Variants in SOS2 observed in about 807,000 individuals in gnomAD.
SOS2 encodes SOS Ras/Rho guanine nucleotide exchange factor 2, also known as son of sevenless homolog 2.
A neutral mutation model predicts 148.2 loss-of-function variants in SOS2; 65 were observed. The ratio of observed to expected loss-of-function variants is 0.44; its 90% CI spans 0.36 to 0.54. The LOEUF (loss-of-function observed/expected upper bound fraction) is 0.54, where lower values mean the gene tolerates loss of function less well. Ranked by LOEUF, SOS2 falls within the 20% of genes least tolerant of loss-of-function variation. SOS2 has a pLI of 0.00. For synonymous variants in SOS2, 539 were observed against 537.1 expected (o/e 1.00, Z -0.05); for missense variants, 1,341 against 1,590.2 (o/e 0.84, Z 2.67).
chr14:50,151,071 C>T (rs1453741807), intron 13 of SOS2, among the ~76,000 whole-genome samples: 1 of 152,042 alleles, frequency 6.6e-6, no homozygotes, highest in African/African-American at 2.4e-5. Context: ...GTTGCCCAAG[C>T]TGGTCTTGAA....
intron 19 of SOS2, among the ~76,000 whole-genome samples, chr14:50,133,370 T>C (rs1366800178): frequency 1.3e-5 from 2 of 151,826 alleles, no homozygotes; most frequent in African/African-American, 4.8e-5. Flanking sequence ...GCTAATTTTT[T>C]TGTATTTTTG....
At chr14:50,126,696 G>A (rs1178587394) in intron 21 of SOS2, among the ~76,000 whole-genome samples, 1 of 151,514 alleles carries the variant, frequency 6.6e-6, no homozygotes, top group Admixed American at 6.6e-5. Flanking sequence ...CAGGAAAACA[G>A]AACAAGAAGA....
chr14:50,197,743 C>CA (rs1441918433), intron 4 of SOS2, among the ~76,000 whole-genome samples: 2 of 145,036 alleles, frequency 1.4e-5, no homozygotes, highest in East Asian at 4.1e-4. Context: ...GGCTGCAATG[C>CA]AGTGGTGCAA....
At chr14:50,168,194 A>G (rs1288893993) in intron 8 of SOS2, among the ~76,000 whole-genome samples, 1 of 152,162 alleles carries the variant, frequency 6.6e-6, no homozygotes, top group African/African-American at 2.4e-5. Context: ...AAAATGAGAG[A>G]GTTAACATGT....
Position 50,159,760 on chromosome 14 carries a change from T to C in SOS2, c.1523A>G (p.His508Arg), listed in dbSNP as rs1372822403. The C allele has an allele frequency of 3.1e-6, 5 of 1,614,082 alleles. No homozygotes were observed. The highest frequency in any genetic ancestry group is 3.3e-5 in the Admixed American group (2 of 60,030). The change falls in exon 10 of 23, where the codon CAC becomes CGC. Residue 508 changes from histidine to arginine, a missense_variant. By Grantham distance (29) the His-to-Arg change is conservative. This residue lies in a region of SOS2 where 574 missense variants were observed against 711.1 expected (regional missense o/e 0.81). Coordinates refer to ENST00000216373, the MANE Select transcript of SOS2 (RefSeq NM_006939.4). Reference sequence around the variant, plus strand: ...GGATACTAATTCAAATGCATGCTTGTGCTCACAAGTATCTTCTTTATCACA... The same window carrying C: ...GGATACTAATTCAAATGCATGCTTGCGCTCACAAGTATCTTCTTTATCACA... ...QICDKEDTCE[H>R]KHAFELVSKD...
chr14:50,201,847 A>G (rs1886500909), intron 2 of SOS2, among the ~76,000 whole-genome samples: 1 of 152,216 alleles, frequency 6.6e-6, no homozygotes, highest in South Asian at 2.1e-4. Context: ...AAAAGAGGTC[A>G]TGTATCTCTT....
intron 5 of SOS2, among the ~76,000 whole-genome samples, chr14:50,184,236 T>C (rs1270327396): frequency 3.3e-5 from 5 of 152,204 alleles, no homozygotes; most frequent in Non-Finnish European, 7.3e-5. Context: ...ATCATATGAC[T>C]GACCATCCCG....
chr14:50,130,540 G>A lies in SOS2; in HGVS notation c.3298C>T (p.Leu1100Phe). ...AGATCCACATCTAAAAATACACTAA[G>A]GTCTGAAGAAGCAGATACTGGTGGA... The part of the protein sequence containing the change: ...STPPVSASSD[L>F]SVFLDVDLNS... The change falls in exon 20 of 23, where the codon CTT becomes TTT. Residue 1100 changes from leucine to phenylalanine, a missense_variant. Around this residue, in one of 4 missense-constraint regions of SOS2, gnomAD observed 354 missense variants for 347.7 expected, o/e 1.02. Coordinates refer to ENST00000216373, the MANE Select transcript of SOS2 (RefSeq NM_006939.4). 1 of 1,613,894 alleles carries A rather than the reference G, an allele frequency of 6.2e-7. No homozygotes were observed. The highest frequency in any genetic ancestry group is 8.5e-7 in the Non-Finnish European group (1 of 1,179,848).
At chr14:50,127,439 G>A (rs1208428923) in intron 21 of SOS2, among the ~76,000 whole-genome samples, 2 of 152,176 alleles carry the variant, frequency 1.3e-5, no homozygotes, top group South Asian at 2.1e-4. Flanking sequence ...ACCGCGCCCG[G>A]CCCAGATCAT....
rs755314459 is a variant in SOS2 at position 50,214,700 on chromosome 14, CT to C, written c.88-10292del. Among the ~76,000 whole-genome samples, 785 of 131,220 alleles carry C rather than the reference CT, an allele frequency of 6.0e-3. 4 individuals carry two copies. Among genetic ancestry groups the C allele is most frequent in the African/African-American group, 0.017 (611 of 36,770 alleles). The allele number at this position is 131,220 out of a possible 152,430, so 86.1% of individuals were successfully genotyped here. On this transcript the variant is annotated intron_variant, in intron 1 of 22. Transcript: ENST00000216373. ...GGCAGTAGACTTCATAAGGCCGTTTCTTTTTTTTTTTTTTTTTCTTTTTCTT... is the reference window on the plus strand; with the variant it reads ...GGCAGTAGACTTCATAAGGCCGTTTCTTTTTTTTTTTTTTTTCTTTTTCTT...
chr14:50,231,003 G>C, intron 1 of SOS2, 194 bp downstream of exon 1: 1 of 769,186 alleles, frequency 1.3e-6, no homozygotes, highest in Non-Finnish European at 1.7e-6. Context: ...CCTTCCTTCC[G>C]GGACCAGGCA....
intron 7 of SOS2, among the ~76,000 whole-genome samples, chr14:50,178,709 TATACACAC>T (rs1412814829): frequency 1.6e-4 from 11 of 69,922 alleles, no homozygotes; most frequent in African/African-American, 7.2e-4. Context: ...TATATATATA[TATACACAC>T]ATATACACAC....
intron 4 of SOS2, among the ~76,000 whole-genome samples, chr14:50,197,639 T>C (rs116839322): frequency 0.012 from 1,763 of 150,750 alleles, 40 homozygotes; most frequent in African/African-American, 0.04. Flanking sequence ...ACTGCAGTGG[T>C]CCCTGTGCCT....
intron 1 of SOS2, among the ~76,000 whole-genome samples, chr14:50,217,739 G>A (rs1000127523): frequency 2.0e-5 from 3 of 150,722 alleles, no homozygotes; most frequent in South Asian, 4.2e-4. Flanking sequence ...GGTGGATCAC[G>A]AGGTCAGGAG....
intron 8 of SOS2, among the ~76,000 whole-genome samples, chr14:50,173,685 T>C (rs1233357903): frequency 6.6e-6 from 1 of 152,184 alleles, no homozygotes; most frequent in Non-Finnish European, 1.5e-5. Flanking sequence ...CCTCCCAAAG[T>C]GCTGGGATTA....
intron 8 of SOS2, among the ~76,000 whole-genome samples, chr14:50,163,427 G>A (rs985248821): frequency 2.6e-5 from 4 of 152,000 alleles, no homozygotes; most frequent in African/African-American, 9.7e-5. Context: ...TTTTATTTAT[G>A]TCTTAGAAAT....
At chr14:50,213,519 G>A (rs111998838) in intron 1 of SOS2, among the ~76,000 whole-genome samples, 1 of 152,182 alleles carries the variant, frequency 6.6e-6, no homozygotes, top group African/African-American at 2.4e-5. Context: ...GGCCTACACA[G>A]TGAAACCCCG....
chr14:50,154,113 GAAGGGAAAAGGA>G (rs1363851899), intron 12 of SOS2, among the ~76,000 whole-genome samples: 1 of 152,080 alleles, frequency 6.6e-6, no homozygotes, highest in Non-Finnish European at 1.5e-5. Flanking sequence ...GGAAGAGGAA[GAAGGGAAAAGGA>G]AAGGGAAGGA....
intron 5 of SOS2, among the ~76,000 whole-genome samples, chr14:50,187,512 T>C (rs1885956351): frequency 6.6e-6 from 1 of 151,984 alleles, no homozygotes; most frequent in South Asian, 2.1e-4. Context: ...TACGCCCGGC[T>C]AACTTTTTTG....
Sources: allele counts gnomAD v4.1 joint callset (sites outside exome capture counted in the v4.1 genomes callset), GRCh38; gene constraint gnomAD v4.1.1; regional missense constraint gnomAD v4.1.1; transcripts MANE v1.5; gene names NCBI Gene and HGNC (gene_info 2026-07-23, HGNC 2026-07-21).